Variants in IREB2 observed in about 807,000 individuals in gnomAD.
IREB2 encodes iron-responsive element-binding protein 2.
IREB2 carries 39 observed loss-of-function variants against 118.8 expected under a neutral mutation model. The observed-to-expected ratio is 0.33, with a 90% CI of 0.25 to 0.43. The LOEUF is 0.43. Ranked by LOEUF, IREB2 falls within the 20% of genes least tolerant of loss-of-function variation. The pLI is 1.00. For missense variants in IREB2, 900 were observed against 1,147.3 expected, an observed-to-expected ratio of 0.78 and a Z score of 3.11; for synonymous variants, 372 against 392.2, an observed-to-expected ratio of 0.95 and a Z score of 0.61.
intron 10 of IREB2, among the ~76,000 whole-genome samples, chr15:78,481,991 C>G (rs1287864847): frequency 6.6e-6 from 1 of 152,156 alleles, no homozygotes; most frequent in African/African-American, 2.4e-5. Context: ...CGTGTAATCC[C>G]AGCACTTTGG....
chr15:78,450,824 TTG>T (rs35092289), intron 2 of IREB2, among the ~76,000 whole-genome samples: 26,678 of 133,700 alleles, frequency 0.2, 2,531 homozygotes, highest in Admixed American at 0.28. Flanking sequence ...ATTAACAAAT[TTG>T]TGTGTGTGTG....
At position 78,488,442 on chromosome 15, in the gene IREB2, G is replaced by A. The variant is rs117468857; in HGVS notation, c.1951+106G>A. On this transcript the variant is annotated intron_variant, in intron 15 of 21. Coordinates refer to ENST00000258886, the MANE Select transcript of IREB2 (RefSeq NM_004136.4). Reference sequence around the variant, plus strand: ...ACCATCTATTCTTTGAATTATTTCAGGAAGACGTATGATAATGTATAGTTA... The same window carrying A: ...ACCATCTATTCTTTGAATTATTTCAAGAAGACGTATGATAATGTATAGTTA... 0.024 allele frequency: 25,566 copies of A among 1,063,682 alleles called. 485 individuals are homozygous for A. Among genetic ancestry groups the A allele is most frequent in the Non-Finnish European group, 0.025 (18,342 of 745,826 alleles). The allele number at this position is 1,063,682 out of a possible 1,614,324, so 65.9% of individuals were successfully genotyped here. A position where few individuals can be genotyped will look rare whatever the true frequency, so the allele number is the denominator to read the frequency against.
Position 78,483,450 on chromosome 15 carries a change from C to T in IREB2, c.1413+16C>T. 1 of 1,384,564 alleles carries T rather than the reference C, an allele frequency of 7.2e-7. No homozygotes were observed. The highest frequency in any genetic ancestry group is 1.0e-6 in the Non-Finnish European group (1 of 971,072). The allele number at this position is 1,384,564 out of a possible 1,614,324, so 85.8% of individuals were successfully genotyped here. On this transcript the variant is annotated intron_variant, in intron 11 of 21. Transcript: ENST00000258886. ...AAATGAAAAGGTAGGTTACTTTATTCTTATCCGTGTTTTTCAACCCGCTTT... is the reference window on the plus strand; with the variant it reads ...AAATGAAAAGGTAGGTTACTTTATTTTTATCCGTGTTTTTCAACCCGCTTT...
rs755818005 is a variant in IREB2 at position 78,466,310 on chromosome 15, G to A, written c.450G>A (p.Leu150=). The A allele has an allele frequency of 4.3e-6, 7 of 1,613,768 alleles. No homozygotes were observed. In the South Asian group the frequency reaches 7.7e-5, roughly 18 times the overall value. ...CACCAAATCCTGGAGGTGGTGACCT[G>A]CAGAAAGCAGGAAAGCTCTCTCCAC... is the stretch of plus-strand genomic sequence containing the variant. The part of the protein sequence containing the change: ...QNAPNPGGGD[L]QKAGKLSPLK... Residue 150 remains leucine, a synonymous_variant, in exon 5 of 22, where the codon CTG becomes CTA. Coordinates refer to ENST00000258886, the MANE Select transcript of IREB2 (RefSeq NM_004136.4).
chr15:78,488,365 C>A lies in IREB2; in HGVS notation c.1951+29C>A, dbSNP rs754306402. 2.0e-6 allele frequency: 3 copies of A among 1,482,766 alleles called. No homozygotes were observed. In the East Asian group the frequency reaches 7.0e-5, roughly 35 times the overall value. The allele number at this position is 1,482,766 out of a possible 1,614,324, so 91.9% of individuals were successfully genotyped here. A position where few individuals can be genotyped will look rare whatever the true frequency, so the allele number is the denominator to read the frequency against. ...TCTTTTCCTTTATGTATATGTATAC[C>A]TACACATACTTTTCCCAATGGAAGT... On this transcript the variant is annotated intron_variant, in intron 15 of 21. Transcript: ENST00000258886.
chr15:78,492,698 C>G (rs2051771992), intron 18 of IREB2, among the ~76,000 whole-genome samples: 1 of 152,012 alleles, frequency 6.6e-6, no homozygotes. Context: ...TAGCTTGGGA[C>G]TACAGGCTCG....
intron 18 of IREB2, 25 bp downstream of exon 18, chr15:78,490,786 T>G: frequency 3.1e-6 from 5 of 1,600,718 alleles, no homozygotes; most frequent in South Asian, 1.1e-5. Flanking sequence ...CTTTAGAGTG[T>G]TTTTGTTTTT....
intron 12 of IREB2, 99 bp from the exon 13 acceptor site, chr15:78,485,606 T>C: frequency 8.2e-7 from 1 of 1,214,374 alleles, no homozygotes; most frequent in Non-Finnish European, 1.2e-6. Context: ...ATTCATACTT[T>C]AATCTGTTAA....
At chr15:78,495,918 T>G (rs149665545) in intron 20 of IREB2, among the ~76,000 whole-genome samples, 1 of 152,152 alleles carries the variant, frequency 6.6e-6, no homozygotes, top group African/African-American at 2.4e-5. Flanking sequence ...GAGAAAAAAG[T>G]TGAAAAACAC....
At position 78,438,287 on chromosome 15, in the gene IREB2, C is replaced by G. The variant is rs758117313; in HGVS notation, c.-51C>G. 2.2e-5 allele frequency: 33 copies of G among 1,488,680 alleles called. No homozygotes were observed. The highest frequency in any genetic ancestry group is 1.7e-4 in the Middle Eastern group (1 of 5,840). The allele number at this position is 1,488,680 out of a possible 1,614,324, so 92.2% of individuals were successfully genotyped here. On this transcript the variant is annotated 5_prime_UTR_variant, in exon 1 of 22. Coordinates refer to ENST00000258886, the MANE Select transcript of IREB2 (RefSeq NM_004136.4). Reference sequence around the variant, plus strand: ...CCCCGTCTTCCCTGCCCGGCCTCCCCCTTCTTCCCCCGCTGGCCCCCTCCC... The same window carrying G: ...CCCCGTCTTCCCTGCCCGGCCTCCCGCTTCTTCCCCCGCTGGCCCCCTCCC...
intron 8 of IREB2, chr15:78,474,494 T>G (rs2051431446): frequency 6.6e-6 from 1 of 152,232 alleles, no homozygotes; most frequent in Non-Finnish European, 1.5e-5. Context: ...AATCAATTCT[T>G]TACTTTAGAC....
intron 2 of IREB2, among the ~76,000 whole-genome samples, chr15:78,460,251 A>G (rs2051174717): frequency 6.6e-6 from 1 of 152,192 alleles, no homozygotes; most frequent in South Asian, 2.1e-4. Flanking sequence ...CGTTTCTTCC[A>G]CATTTACTAG....
intron 2 of IREB2, among the ~76,000 whole-genome samples, chr15:78,456,936 G>C (rs2051115086): frequency 6.6e-6 from 1 of 151,986 alleles, no homozygotes; most frequent in African/African-American, 2.4e-5. Flanking sequence ...GACTTTAGTA[G>C]TTTTATACTG....
Position 78,458,778 on chromosome 15 carries a change from G to T in IREB2, c.107-4144G>T, listed in dbSNP as rs145134869. ...ACGTCTCATTTGTTCACCTAGTGCT[G>T]GAACATACTAGAAAAGTCAATAAAT... On this transcript the variant is annotated intron_variant, in intron 2 of 21. Transcript: ENST00000258886. 5.3e-3 allele frequency among the ~76,000 whole-genome samples: 803 copies of T among 152,248 alleles called. 22 individuals carry two copies. Among genetic ancestry groups the T allele is most frequent in the Admixed American group, 0.04 (617 of 15,290 alleles).
chr15:78,466,351 A>G lies in IREB2; in HGVS notation c.491A>G (p.Lys164Arg), dbSNP rs1274841903. 6.2e-7 allele frequency: 1 copy of G among 1,613,964 alleles called. No homozygotes were observed. Among genetic ancestry groups the G allele is most frequent in the South Asian group, 1.1e-5 (1 of 91,084 alleles). ...CTCTCTCCACTTAAAGTGCAGCCTA[A>G]GAAGCTTCCCTGCAGAGGCCAGACT... is the stretch of plus-strand genomic sequence containing the variant. ...GKLSPLKVQP[K>R]KLPCRGQTTC... is the part of the protein sequence containing the mutation. Residue 164 changes from lysine (K) to arginine (R), a missense_variant, in exon 5 of 22, where the codon AAG (lysine) becomes AGG (arginine). Coordinates refer to ENST00000258886, the MANE Select transcript of IREB2 (RefSeq NM_004136.4).
chr15:78,456,801 C>G (rs1459854959), intron 2 of IREB2, among the ~76,000 whole-genome samples: 1 of 152,104 alleles, frequency 6.6e-6, no homozygotes, highest in Non-Finnish European at 1.5e-5. Flanking sequence ...GCCTTTTGCC[C>G]TGTCCCCAAT....
At chr15:78,465,946 A>G (rs1289370467) in intron 4 of IREB2, among the ~76,000 whole-genome samples, 1 of 152,216 alleles carries the variant, frequency 6.6e-6, no homozygotes, top group Non-Finnish European at 1.5e-5. Flanking sequence ...GATAAACTGT[A>G]GCTCTAAATT....
chr15:78,487,682 C>G (rs781736369), intron 13 of IREB2, 51 bp from the exon 14 acceptor site: 5 of 970,992 alleles, frequency 5.1e-6, no homozygotes, highest in Non-Finnish European at 8.3e-6. Flanking sequence ...CTTGTCCTTT[C>G]TCTATAAATG....
intron 20 of IREB2, among the ~76,000 whole-genome samples, chr15:78,494,848 C>T (rs1325133122): frequency 6.6e-6 from 1 of 152,252 alleles, no homozygotes; most frequent in Non-Finnish European, 1.5e-5. Flanking sequence ...GCTGGGATTA[C>T]AGGCTTGAGC....
Sources: allele counts gnomAD v4.1 joint callset (sites outside exome capture counted in the v4.1 genomes callset), GRCh38; gene constraint gnomAD v4.1.1; transcripts MANE v1.5; gene names NCBI Gene and HGNC (gene_info 2026-07-23, HGNC 2026-07-21).